HSD17B2: variants seen among roughly 807,000 people sequenced by gnomAD.
The protein encoded by HSD17B2 is 17-beta-hydroxysteroid dehydrogenase type 2.
Under a neutral mutation model 26.9 loss-of-function variants are expected in HSD17B2, and 32 were observed. The ratio of observed to expected loss-of-function variants is 1.19; its 90% CI spans 0.90 to 1.60. HSD17B2 has a LOEUF of 1.60. Ranked by LOEUF, HSD17B2 falls within the 40% of genes most tolerant of loss-of-function variation. The pLI, the probability that HSD17B2 is intolerant of heterozygous loss-of-function variation, is 0.00. For synonymous variants in HSD17B2, 246 were observed against 186.7 expected, an observed-to-expected ratio of 1.32 and a Z score of -2.59; for missense variants, 613 against 468.6, an observed-to-expected ratio of 1.31 and a Z score of -2.85.
intron 1 of HSD17B2, among the ~76,000 whole-genome samples, chr16:82,059,887 T>C (rs1914384210): frequency 6.6e-6 from 1 of 152,124 alleles, no homozygotes; most frequent in Admixed American, 6.5e-5. Context: ...TTCATAAAGG[T>C]TATGTTCCAA....
At chr16:82,045,291 C>A (rs547416073) in intron 1 of HSD17B2, among the ~76,000 whole-genome samples, 1 of 152,126 alleles carries the variant, frequency 6.6e-6, no homozygotes, top group South Asian at 2.1e-4. Flanking sequence ...CAGTGAGCCC[C>A]CCATCCATCT....
intron 3 of HSD17B2, among the ~76,000 whole-genome samples, chr16:82,090,465 T>C (rs1472894046): frequency 1.3e-5 from 2 of 152,046 alleles, no homozygotes; most frequent in East Asian, 1.9e-4. Flanking sequence ...ATTACAGGCA[T>C]GCGCCACCAC....
chr16:82,042,248 T>C (rs1428434694), intron 1 of HSD17B2, among the ~76,000 whole-genome samples: 1 of 151,956 alleles, frequency 6.6e-6, no homozygotes, highest in Non-Finnish European at 1.5e-5. Context: ...CAAGTGATCT[T>C]CCCGCCTCAG....
chr16:82,090,989 C>T lies in HSD17B2; in HGVS notation c.752C>T (p.Ser251Phe). ...TCATCAGTTATGAGACTGGAGCTTT[C>T]CAAGTGGGGAATTAAAGTTGCTTCC... is the stretch of plus-strand genomic sequence containing the variant. ...MFSSVMRLEL[S>F]KWGIKVASIQ... Residue 251 changes from serine (S) to phenylalanine (F), a missense_variant, in exon 4 of 5, where the codon TCC becomes TTC. Ser to Phe is a radical substitution (Grantham distance 155). Transcript: ENST00000199936. The T allele has an allele frequency of 6.2e-7, 1 of 1,614,022 alleles. No individual in the cohort carries two copies. The highest frequency in any genetic ancestry group is 8.5e-7 in the Non-Finnish European group (1 of 1,179,922).
At chr16:82,071,940 T>C (rs1224594950) in intron 3 of HSD17B2, 1 of 152,224 alleles carries the variant, frequency 6.6e-6, no homozygotes, top group Non-Finnish European at 1.5e-5. Flanking sequence ...GATCAATTAA[T>C]TCTAAGTAAA....
intron 1 of HSD17B2, among the ~76,000 whole-genome samples, chr16:82,040,996 G>A (rs1053795887): frequency 5.9e-5 from 9 of 151,978 alleles, no homozygotes; most frequent in African/African-American, 1.9e-4. Flanking sequence ...CTTATCATGC[G>A]GTTTAAGTTT....
chr16:82,036,459 G>A (rs1230948083), intron 1 of HSD17B2, among the ~76,000 whole-genome samples: 1 of 151,472 alleles, frequency 6.6e-6, no homozygotes, highest in African/African-American at 2.4e-5. Flanking sequence ...CTGTAATTAG[G>A]ATTATCCAGC....
chr16:82,098,427 G>C lies in HSD17B2; in HGVS notation c.1155G>C (p.Lys385Asn), dbSNP rs762741251. ...TAAGAATGCCTAACTACAAGAAAAA[G>C]GCCACCTAGGCAATGGAAGCCCTCA... ...RALRMPNYKKKAT is the reference protein window; with the variant it reads ...RALRMPNYKKNAT The change falls in exon 5 of 5, where the codon AAG becomes AAC. Residue 385 changes from lysine (K) to asparagine (N), a missense_variant. By Grantham distance (94) the Lys-to-Asn change is moderately conservative. Transcript: ENST00000199936. The C allele has an allele frequency of 1.3e-6, 2 of 1,595,066 alleles. No homozygotes were observed. The highest frequency in any genetic ancestry group is 1.7e-6 in the Non-Finnish European group (2 of 1,170,548).
chr16:82,091,212 GA>G, intron 4 of HSD17B2, 173 bp downstream of exon 4: 1 of 727,998 alleles, frequency 1.4e-6, no homozygotes, highest in Non-Finnish European at 2.5e-6. Flanking sequence ...GACAGTAGGG[GA>G]AAGAGCTAAG....
At chr16:82,073,359 G>C (rs914213359) in intron 3 of HSD17B2, among the ~76,000 whole-genome samples, 3 of 151,860 alleles carry the variant, frequency 2.0e-5, no homozygotes, top group African/African-American at 2.4e-5. Flanking sequence ...CTAGTAGCTG[G>C]GACTACAGAC....
At chr16:82,057,802 C>T (rs1409322632) in intron 1 of HSD17B2, among the ~76,000 whole-genome samples, 1 of 152,152 alleles carries the variant, frequency 6.6e-6, no homozygotes, top group African/African-American at 2.4e-5. Context: ...TCTACAAAAT[C>T]CCTGATGAGC....
intron 1 of HSD17B2, 98 bp downstream of exon 1, chr16:82,035,787 T>A: frequency 1.6e-6 from 2 of 1,281,740 alleles, no homozygotes; most frequent in Non-Finnish European, 2.2e-6. Flanking sequence ...ATAAAATACT[T>A]GGCATGGAGT....
intron 1 of HSD17B2, among the ~76,000 whole-genome samples, chr16:82,056,700 T>A (rs1484197371): frequency 6.6e-6 from 1 of 152,214 alleles, no homozygotes; most frequent in Non-Finnish European, 1.5e-5. Flanking sequence ...TGCTATTGCC[T>A]ATTCACAACG....
Position 82,035,565 on chromosome 16 carries a change from C to G in HSD17B2, c.141C>G (p.Val47=), listed in dbSNP as rs754127430. ...TCTGCCTGGCAGGCCTCTGTGCAGT[C>G]TGCCTGCTCATCCTGTCCCCTTTTT... ...WMVCLAGLCA[V]CLLILSPFWG... Residue 47 remains valine, a synonymous_variant, in exon 1 of 5, where the codon GTC becomes GTG. Coordinates refer to ENST00000199936, the MANE Select transcript of HSD17B2 (RefSeq NM_002153.3). 3 of 1,614,010 alleles carry G rather than the reference C, an allele frequency of 1.9e-6. No homozygotes were observed. The highest frequency in any genetic ancestry group is 2.5e-6 in the Non-Finnish European group (3 of 1,180,044).
chr16:82,081,259 G>A (rs1904371898), intron 3 of HSD17B2, among the ~76,000 whole-genome samples: 1 of 150,016 alleles, frequency 6.7e-6, no homozygotes, highest in African/African-American at 2.5e-5. Flanking sequence ...GAAACTCTCA[G>A]AAGCAAACTG....
chr16:82,069,384 T>A (rs1178769653), intron 2 of HSD17B2, among the ~76,000 whole-genome samples: 1 of 152,240 alleles, frequency 6.6e-6, no homozygotes, highest in Non-Finnish European at 1.5e-5. Context: ...TATGTGTGAA[T>A]GTATCTTTGT....
At chr16:82,093,090 T>C (rs546660531) in intron 4 of HSD17B2, 4 of 152,270 alleles carry the variant, frequency 2.6e-5, no homozygotes, top group African/African-American at 9.6e-5. Context: ...TCGAGAAATA[T>C]ATAAACAGAA....
chr16:82,085,800 C>T (rs1338283592), intron 3 of HSD17B2, among the ~76,000 whole-genome samples: 1 of 152,030 alleles, frequency 6.6e-6, no homozygotes, highest in Admixed American at 6.6e-5. Flanking sequence ...ATCCCCGGAC[C>T]ACATTTTCAA....
chr16:82,044,703 G>C (rs1011404236), intron 1 of HSD17B2: 2 of 152,318 alleles, frequency 1.3e-5, no homozygotes, highest in African/African-American at 2.4e-5. Flanking sequence ...CACCTCCCTG[G>C]GGGGAGGAGG....
Sources: gnomAD v4.1 joint callset for allele counts (sites outside exome capture counted in the v4.1 genomes callset) on GRCh38, gnomAD v4.1.1 for gene constraint, MANE v1.5 for transcripts, NCBI Gene and HGNC (gene_info 2026-07-23, HGNC 2026-07-21) for gene names.